The following SCN10A variants were observed in gnomAD, a reference collection of about 807,000 sequenced individuals.
SCN10A encodes sodium voltage-gated channel alpha subunit 10, also known as sodium channel protein type 10 subunit alpha.
A neutral mutation model predicts 170.7 loss-of-function variants in SCN10A; 162 were observed. The observed-to-expected ratio is 0.95, with a 90% CI of 0.84 to 1.08. The LOEUF is 1.08. Among genes scored for constraint, SCN10A ranks in the 50% least tolerant of loss-of-function variants. SCN10A has a pLI of 0.00. For missense variants in SCN10A, 2,527 were observed against 2,436.9 expected, an observed-to-expected ratio of 1.04 and a Z score of -0.78; for synonymous variants, 985 against 904.6, an observed-to-expected ratio of 1.09 and a Z score of -1.59.
At chr3:38,784,442 T>A (rs1162318572) in intron 4 of SCN10A, among the ~76,000 whole-genome samples, 1 of 152,132 alleles carries the variant, frequency 6.6e-6, no homozygotes, top group Non-Finnish European at 1.5e-5. Flanking sequence ...CCATTCATGC[T>A]AAAAGCTCTC....
intron 27 of SCN10A, among the ~76,000 whole-genome samples, chr3:38,699,510 C>T (rs1311277932): frequency 6.6e-6 from 1 of 152,130 alleles, no homozygotes; most frequent in Non-Finnish European, 1.5e-5. Context: ...TCGCTCCTTG[C>T]CAGGTTCCCT....
chr3:38,803,018 A>G (rs931655436), intron 1 of SCN10A, among the ~76,000 whole-genome samples: 14 of 152,262 alleles, frequency 9.2e-5, no homozygotes, highest in African/African-American at 3.4e-4. Flanking sequence ...TCAAAAGAAG[A>G]CATTTATGCA....
intron 16 of SCN10A, 65 bp from the exon 17 acceptor site, chr3:38,727,117 G>T: frequency 6.7e-7 from 1 of 1,483,408 alleles, no homozygotes; most frequent in Non-Finnish European, 9.2e-7. Flanking sequence ...TTGGCCTACC[G>T]GGTTAGCAGC....
intron 1 of SCN10A, among the ~76,000 whole-genome samples, chr3:38,803,191 C>T (rs1285180512): frequency 6.6e-6 from 1 of 152,154 alleles, no homozygotes; most frequent in Non-Finnish European, 1.5e-5. Flanking sequence ...AAAAATTTTA[C>T]ACTGTTGGTG....
At chr3:38,747,688 C>T (rs1480637894) in intron 13 of SCN10A, among the ~76,000 whole-genome samples, 6 of 152,180 alleles carry the variant, frequency 3.9e-5, no homozygotes, top group Non-Finnish European at 7.3e-5. Flanking sequence ...ATCCCATGAC[C>T]TTCTTTTGTC....
intron 5 of SCN10A, 113 bp downstream of exon 5, chr3:38,771,166 G>T: frequency 2.6e-6 from 3 of 1,151,634 alleles, no homozygotes; most frequent in Non-Finnish European, 3.7e-6. Flanking sequence ...AACGTTCATG[G>T]TGTGAGTCTC....
intron 1 of SCN10A, among the ~76,000 whole-genome samples, chr3:38,812,344 G>T (rs552478425): frequency 2.8e-4 from 42 of 152,258 alleles, no homozygotes; most frequent in Non-Finnish European, 4.4e-4. Flanking sequence ...GAAGGTCATA[G>T]CCTATTGGAG....
At chr3:38,734,650 A>T (rs939554713) in intron 15 of SCN10A, among the ~76,000 whole-genome samples, 1 of 152,216 alleles carries the variant, frequency 6.6e-6, no homozygotes, top group Non-Finnish European at 1.5e-5. Flanking sequence ...TCCATTCATG[A>T]TAAATATTCT....
At chr3:38,812,467 A>G (rs2064447238) in intron 1 of SCN10A, among the ~76,000 whole-genome samples, 1 of 152,036 alleles carries the variant, frequency 6.6e-6, no homozygotes, top group South Asian at 2.1e-4. Flanking sequence ...TGAGGAATAC[A>G]TACGCAAAGT....
At chr3:38,807,504 A>G (rs1288194923) in intron 1 of SCN10A, among the ~76,000 whole-genome samples, 1 of 152,122 alleles carries the variant, frequency 6.6e-6, no homozygotes, top group African/African-American at 2.4e-5. Context: ...TCCCAGCAGG[A>G]TTTGACATGA....
At chr3:38,772,712 C>A in intron 4 of SCN10A, among the ~76,000 whole-genome samples, 1 of 76,536 alleles carries the variant, frequency 1.3e-5, no homozygotes. Context: ...ACAACAGCAA[C>A]AACAACAACA....
chr3:38,772,873 CAAAAGT>C (rs535901586), intron 4 of SCN10A, among the ~76,000 whole-genome samples: 198 of 152,080 alleles, frequency 1.3e-3, no homozygotes, highest in African/African-American at 4.6e-3. Context: ...AATATGATAG[CAAAAGT>C]AAAACACTAA....
At chr3:38,732,455 G>A (rs2063521658) in intron 15 of SCN10A, among the ~76,000 whole-genome samples, 1 of 152,208 alleles carries the variant, frequency 6.6e-6, no homozygotes, top group Non-Finnish European at 1.5e-5. Context: ...CACTGAATGT[G>A]CTGTGAGACA....
chr3:38,710,695 T>C, intron 24 of SCN10A, 149 bp downstream of exon 24: 2 of 713,686 alleles, frequency 2.8e-6, no homozygotes, highest in Admixed American at 2.4e-5. Context: ...GAGAGCCAGC[T>C]GGACACTGCT....
At position 38,725,214 on chromosome 3, in the gene SCN10A, T is replaced by A. The variant is rs761268185; in HGVS notation, c.3188A>T (p.Glu1063Val). 2 of 1,606,768 alleles carry A rather than the reference T, an allele frequency of 1.2e-6. No homozygotes were observed. Among genetic ancestry groups the A allele is most frequent in the South Asian group, 2.2e-5 (2 of 90,170 alleles). ...AGGAACAGACTCATCTTTCCACGTCTCACCCAGGGATGGAGCCAGGTCCTC... is the reference window on the plus strand; with the variant it reads ...AGGAACAGACTCATCTTTCCACGTCACACCCAGGGATGGAGCCAGGTCCTC... ...SSEDLAPSLGETWKDESVPQV... is the reference protein window; with the variant it reads ...SSEDLAPSLGVTWKDESVPQV... The change falls in exon 18 of 28, where the codon GAG (glutamate) becomes GTG (valine). Residue 1063 changes from glutamate (E) to valine (V), a missense_variant. Glu to Val is a moderately radical substitution (Grantham distance 121). Coordinates refer to ENST00000449082, the MANE Select transcript of SCN10A (RefSeq NM_006514.4).
intron 6 of SCN10A, among the ~76,000 whole-genome samples, chr3:38,763,008 T>C (rs942817445): frequency 4.6e-5 from 7 of 152,174 alleles, no homozygotes; most frequent in Non-Finnish European, 7.4e-5. Flanking sequence ...TGAGCTTTGA[T>C]GGACTACTTT....
At chr3:38,756,097 T>C in intron 10 of SCN10A, 139 bp from the exon 11 acceptor site, 1 of 879,032 alleles carries the variant, frequency 1.1e-6, no homozygotes, top group East Asian at 2.6e-5. Flanking sequence ...GGTGGTGGGA[T>C]TAGGCCATGG....
chr3:38,728,723 A>C lies in SCN10A; in HGVS notation c.2459T>G (p.Ile820Ser), dbSNP rs2063483635. ...GGGCCAGTCTTCATGGGGCGCGGAG[A>C]TATTTTTTCGGTTGTTACGGTAGTT... ...GENYRNNRKN[I>S]SAPHEDWPRW... Residue 820 changes from isoleucine to serine, a missense_variant, in exon 16 of 28, where the codon ATC becomes AGC. Transcript: ENST00000449082. The C allele has an allele frequency of 6.2e-7, 1 of 1,614,164 alleles. No homozygotes were observed.
intron 18 of SCN10A, among the ~76,000 whole-genome samples, chr3:38,723,970 T>A (rs2063425378): frequency 6.6e-6 from 1 of 152,224 alleles, no homozygotes; most frequent in Non-Finnish European, 1.5e-5. Context: ...GGGTCCCCAT[T>A]TGTCGCTGTC....
Sources: gnomAD v4.1 joint callset for allele counts (sites outside exome capture counted in the v4.1 genomes callset) on GRCh38, gnomAD v4.1.1 for gene constraint, MANE v1.5 for transcripts, NCBI Gene and HGNC (gene_info 2026-07-23, HGNC 2026-07-21) for gene names.